ADAMTSL3: variants seen among roughly 807,000 people sequenced by gnomAD.
ADAMTSL3 encodes the protein ADAMTS like 3, also known as ADAMTS-like protein 3.
In ADAMTSL3, 128 loss-of-function variants were observed where a neutral mutation model predicts 201.7. The observed-to-expected ratio is 0.63, with a 90% CI of 0.55 to 0.73. The LOEUF (loss-of-function observed/expected upper bound fraction) is 0.73, where lower values mean the gene tolerates loss of function less well. Ranked by LOEUF, ADAMTSL3 falls within the 30% of genes least tolerant of loss-of-function variation. The pLI is 0.00. For missense variants in ADAMTSL3, 1,990 were observed against 2,119.6 expected, an observed-to-expected ratio of 0.94 and a Z score of 1.20; for synonymous variants, 738 against 748.4, an observed-to-expected ratio of 0.99 and a Z score of 0.23.
intron 17 of ADAMTSL3, among the ~76,000 whole-genome samples, chr15:83,937,212 A>G (rs1436667496): frequency 6.6e-6 from 1 of 151,060 alleles, no homozygotes; most frequent in Non-Finnish European, 1.5e-5. Flanking sequence ...ATGCACACGT[A>G]TGTTCACCGC....
At chr15:83,881,127 T>A (rs997307438) in intron 9 of ADAMTSL3, among the ~76,000 whole-genome samples, 5 of 152,234 alleles carry the variant, frequency 3.3e-5, no homozygotes, top group African/African-American at 1.2e-4. Context: ...CTGGATTATT[T>A]TAGCTGTCTT....
chr15:83,864,717 C>A (rs1402184937), intron 8 of ADAMTSL3, among the ~76,000 whole-genome samples: 1 of 152,148 alleles, frequency 6.6e-6, no homozygotes, highest in African/African-American at 2.4e-5. Flanking sequence ...ACAGAGATGC[C>A]CTCTCTCACC....
At chr15:83,932,205 G>A (rs1028676766) in intron 17 of ADAMTSL3, among the ~76,000 whole-genome samples, 32 of 151,904 alleles carry the variant, frequency 2.1e-4, no homozygotes, top group African/African-American at 7.5e-4. Flanking sequence ...GTATGTGACT[G>A]TATACATCAG....
At chr15:83,783,100 G>C (rs1333712451) in intron 4 of ADAMTSL3, among the ~76,000 whole-genome samples, 4 of 148,230 alleles carry the variant, frequency 2.7e-5, no homozygotes, top group Non-Finnish European at 3.0e-5. Flanking sequence ...TAAAAACATA[G>C]AAACAATAAT....
At chr15:83,911,465 C>T (rs746319142) in intron 15 of ADAMTSL3, among the ~76,000 whole-genome samples, 24 of 152,250 alleles carry the variant, frequency 1.6e-4, no homozygotes, top group Non-Finnish European at 2.9e-4. Context: ...CGGGATTTCT[C>T]GTCTTTAACC....
chr15:83,712,790 G>C (rs912007122), intron 3 of ADAMTSL3, among the ~76,000 whole-genome samples: 1 of 152,130 alleles, frequency 6.6e-6, no homozygotes, highest in Non-Finnish European at 1.5e-5. Context: ...TGTCATTTCT[G>C]CATCTCTCTG....
chr15:83,927,315 C>T (rs2066267457), intron 17 of ADAMTSL3, among the ~76,000 whole-genome samples: 1 of 152,046 alleles, frequency 6.6e-6, no homozygotes, highest in African/African-American at 2.4e-5. Context: ...TGGGATTTTG[C>T]CATGTTGGCC....
At position 83,654,661 on chromosome 15, in the gene ADAMTSL3, G is replaced by C. The variant is rs1595974017; in HGVS notation, c.-34+385G>C. Among the ~76,000 whole-genome samples, 1 of 152,280 alleles carries C rather than the reference G, an allele frequency of 6.6e-6. No individual in the cohort carries two copies. Among genetic ancestry groups the C allele is most frequent in the East Asian group, 1.9e-4 (1 of 5,138 alleles). ...TGGGTAGCGAGCGCCCAGAACGCCGGGGGTTGAGGCGACGCGCGATCGTGG... is the reference window on the plus strand; with the variant it reads ...TGGGTAGCGAGCGCCCAGAACGCCGCGGGTTGAGGCGACGCGCGATCGTGG... On this transcript the variant is annotated intron_variant, in intron 1 of 29. Transcript: ENST00000286744. The surrounding 1 kb of genome is among the most constrained non-coding windows in gnomAD (Gnocchi z 5.3).
chr15:83,775,306 T>G (rs2063053841), intron 4 of ADAMTSL3, among the ~76,000 whole-genome samples: 1 of 151,602 alleles, frequency 6.6e-6, no homozygotes, highest in African/African-American at 2.4e-5. Flanking sequence ...AGTGGTAGGG[T>G]TAGAGTGGGA....
At chr15:83,769,127 G>A (rs1359268798) in intron 3 of ADAMTSL3, among the ~76,000 whole-genome samples, 1 of 151,806 alleles carries the variant, frequency 6.6e-6, no homozygotes, top group Non-Finnish European at 1.5e-5. Context: ...AGGTAGAGAA[G>A]TTATGGAAAG....
chr15:83,921,804 C>A (rs535357482), intron 16 of ADAMTSL3, among the ~76,000 whole-genome samples: 219 of 150,558 alleles, frequency 1.5e-3, no homozygotes, highest in Admixed American at 3.2e-3. Context: ...CTCACCCCAG[C>A]CCCCCGAGTA....
intron 6 of ADAMTSL3, among the ~76,000 whole-genome samples, chr15:83,831,311 T>A (rs2064152724): frequency 6.6e-6 from 1 of 152,176 alleles, no homozygotes; most frequent in African/African-American, 2.4e-5. Context: ...GTCAACCCAC[T>A]ACACATGGTA....
intron 19 of ADAMTSL3, among the ~76,000 whole-genome samples, chr15:83,950,438 T>C (rs766076541): frequency 3.9e-5 from 6 of 152,160 alleles, no homozygotes; most frequent in Non-Finnish European, 8.8e-5. Context: ...AGTCAGATAA[T>C]GTGATTCCTC....
intron 3 of ADAMTSL3, among the ~76,000 whole-genome samples, chr15:83,770,051 G>T (rs1401889452): frequency 6.6e-6 from 1 of 151,962 alleles, no homozygotes; most frequent in African/African-American, 2.4e-5. Context: ...TCTACAAAAT[G>T]CAGAGAAACA....
At chr15:83,827,963 C>G (rs1371563308) in intron 6 of ADAMTSL3, among the ~76,000 whole-genome samples, 1 of 152,302 alleles carries the variant, frequency 6.6e-6, no homozygotes, top group Non-Finnish European at 1.5e-5. Flanking sequence ...ATGCCTCCAG[C>G]TTTGTTCTTT....
At chr15:83,763,142 C>A (rs754321346) in intron 3 of ADAMTSL3, among the ~76,000 whole-genome samples, 1 of 152,212 alleles carries the variant, frequency 6.6e-6, no homozygotes, top group South Asian at 2.1e-4. Flanking sequence ...CCCCCCACCT[C>A]AGCCCCCTGA....
intron 2 of ADAMTSL3, among the ~76,000 whole-genome samples, chr15:83,697,007 G>A (rs74649297): frequency 0.095 from 14,415 of 152,210 alleles, 829 homozygotes; most frequent in South Asian, 0.24. Flanking sequence ...CGTTAGCGGT[G>A]TGATATTTGG....
rs577295002 is a variant in ADAMTSL3 at position 83,758,505 on chromosome 15, G to A, written c.190-15018G>A. Among the ~76,000 whole-genome samples, 42 of 152,292 alleles carry A rather than the reference G, an allele frequency of 2.8e-4. 1 individual carries two copies. The South Asian group carries it at 8.5e-3, about 31-fold the overall frequency. On this transcript the variant is annotated intron_variant, in intron 3 of 29. Transcript: ENST00000286744. The stretch of plus-strand genomic sequence containing the variant: ...AGCTACAATTCAAGATTTGGATGGG[G>A]ACACAGCCAAACCATATCACTCACT...
intron 3 of ADAMTSL3, among the ~76,000 whole-genome samples, chr15:83,755,589 G>A (rs780235526): frequency 9.2e-5 from 14 of 152,084 alleles, no homozygotes; most frequent in Non-Finnish European, 1.8e-4. Flanking sequence ...GCCTGTGCCC[G>A]AATTTCATTC....
Sources: allele counts gnomAD v4.1 joint callset (sites outside exome capture counted in the v4.1 genomes callset), GRCh38; gene constraint gnomAD v4.1.1; non-coding constraint Gnocchi (gnomAD v3.1); transcripts MANE v1.5; gene names NCBI Gene and HGNC (gene_info 2026-07-23, HGNC 2026-07-21).